Variants in CENPO observed in about 807,000 individuals in gnomAD.
CENPO encodes the protein centromere protein O.
In CENPO, 30 loss-of-function variants were observed where a neutral mutation model predicts 36.1. The ratio of observed to expected loss-of-function variants is 0.83; its 90% CI spans 0.62 to 1.13. The LOEUF is 1.13. Among genes scored for constraint, CENPO ranks in the 50% most tolerant of loss-of-function variants. The pLI, the probability that CENPO is intolerant of heterozygous loss-of-function variation, is 0.00. For synonymous variants in CENPO, 171 were observed against 142.3 expected (o/e 1.20, Z -1.44); for missense variants, 349 against 357.8 (o/e 0.98, Z 0.20).
chr2:24,820,316 G>T lies in CENPO; in HGVS notation c.*998G>T. The T allele has an allele frequency of 3.1e-6, 4 of 1,306,272 alleles. No homozygotes were observed. The highest frequency in any genetic ancestry group is 3.9e-6 in the Non-Finnish European group (4 of 1,023,006). 80.9% of individuals were successfully genotyped at this position (1,306,272 alleles called of 1,614,324 possible). A position where few individuals can be genotyped will look rare whatever the true frequency, so the allele number is the denominator to read the frequency against. On this transcript the variant is annotated 3_prime_UTR_variant, in exon 8 of 8. Coordinates refer to ENST00000380834, the MANE Select transcript of CENPO (RefSeq NM_001322101.2). ...GGAGAACCCTGGAGTGACTGGCTGG[G>T]GGCCTCCTCTCATCCAGAGACTTCT...
intron 5 of CENPO, 83 bp from the exon 6 acceptor site, chr2:24,816,563 G>T: frequency 5.4e-6 from 5 of 931,062 alleles, no homozygotes; most frequent in South Asian, 2.2e-5. Flanking sequence ...CCTCTTTTTG[G>T]TTGACGTAAT....
At chr2:24,793,529 A>G in intron 1 of CENPO, 28 bp downstream of exon 1, 1 of 1,562,756 alleles carries the variant, frequency 6.4e-7, no homozygotes, top group African/African-American at 1.4e-5. Flanking sequence ...AGGTAGGGGA[A>G]AGACCCATTG....
Position 24,815,735 on chromosome 2 carries a change from G to GCAT in CENPO, c.573_574insCAT (p.Lys191_Tyr192insHis). 5 of 1,614,168 alleles carry GCAT rather than the reference G, an allele frequency of 3.1e-6. No individual in the cohort carries two copies. The highest frequency in any genetic ancestry group is 4.2e-6 in the Non-Finnish European group (5 of 1,179,984). ...ACCTGAATGCTTACTCTGGGAGGAA[G>GCAT]TACCAGGCAGACCGGCTTCAGGTAT... On this transcript the variant is annotated inframe_insertion, in exon 5 of 8. Transcript: ENST00000380834.
Position 24,820,314 on chromosome 2 carries a change from G to T in CENPO, c.*996G>T. 1.5e-6 allele frequency: 2 copies of T among 1,300,190 alleles called. No individual in the cohort carries two copies. The highest frequency in any genetic ancestry group is 2.0e-6 in the Non-Finnish European group (2 of 1,016,516). The allele number at this position is 1,300,190 out of a possible 1,614,324, so 80.5% of individuals were successfully genotyped here. Reference sequence around the variant, plus strand: ...AAGGAGAACCCTGGAGTGACTGGCTGGGGGCCTCCTCTCATCCAGAGACTT... The same window carrying T: ...AAGGAGAACCCTGGAGTGACTGGCTTGGGGCCTCCTCTCATCCAGAGACTT... On this transcript the variant is annotated 3_prime_UTR_variant, in exon 8 of 8. Transcript: ENST00000380834.
rs141691742 is a variant in CENPO, at chr2:24,809,447, C to T, written c.217-4929C>T. Reference sequence around the variant, plus strand: ...TTGATATTTTTTAGTCTTCTTTTCTCTTAAATACATTTAAAGTTAAAAATT... The same window carrying T: ...TTGATATTTTTTAGTCTTCTTTTCTTTTAAATACATTTAAAGTTAAAAATT... On this transcript the variant is annotated intron_variant, in intron 3 of 7. Coordinates refer to ENST00000380834, the MANE Select transcript of CENPO (RefSeq NM_001322101.2). 3.9e-5 allele frequency among the ~76,000 whole-genome samples: 6 copies of T among 152,118 alleles called. No homozygotes were observed. In the East Asian group the frequency reaches 1.2e-3, roughly 29 times the overall value.
At chr2:24,811,190 C>T (rs187894546) in intron 3 of CENPO, among the ~76,000 whole-genome samples, 23 of 152,024 alleles carry the variant, frequency 1.5e-4, no homozygotes, top group East Asian at 1.2e-3. Flanking sequence ...AGTGATCTGC[C>T]GGTCCTGGCC....
intron 3 of CENPO, among the ~76,000 whole-genome samples, chr2:24,803,670 T>G (rs1406961999): frequency 1.3e-5 from 2 of 152,246 alleles, no homozygotes; most frequent in African/African-American, 4.8e-5. Context: ...GAGTTGTAGT[T>G]TGATTGCACT....
intron 6 of CENPO, among the ~76,000 whole-genome samples, chr2:24,817,466 CA>C (rs57556645): frequency 9.1e-5 from 10 of 110,072 alleles, no homozygotes; most frequent in African/African-American, 1.3e-4. Flanking sequence ...TAGTCCAGAC[CA>C]AAAAAAAAAG....
At position 24,798,975 on chromosome 2, in the gene CENPO, C is replaced by CTTTTTTT. The variant is rs70947846; in HGVS notation, c.47-679_47-673dup. On this transcript the variant is annotated intron_variant, in intron 2 of 7. Transcript: ENST00000380834. ...TCGATTAAATAAAGTCTGGGGCTTC[C>CTTTTTTT]TTTTTTTTTTTTTTTTTTTTTTTTT... Among the ~76,000 whole-genome samples the CTTTTTTT allele has an allele frequency of 7.9e-5, 9 of 114,536 alleles. 1 individual carries two copies. Among genetic ancestry groups the CTTTTTTT allele is most frequent in the African/African-American group, 3.6e-4 (9 of 25,310 alleles). The allele number at this position is 114,536 out of a possible 152,430, so 75.1% of individuals were successfully genotyped here. A position where few individuals can be genotyped will look rare whatever the true frequency, so the allele number is the denominator to read the frequency against.
intron 3 of CENPO, among the ~76,000 whole-genome samples, chr2:24,811,830 T>G (rs1382156961): frequency 1.3e-5 from 2 of 152,146 alleles, no homozygotes; most frequent in African/African-American, 4.8e-5. Flanking sequence ...ACTCCTGACC[T>G]CATGATCTGC....
Position 24,822,103 on chromosome 2 carries a change from T to A in CENPO, c.*2785T>A. ...TAAGACCAGAGCTTGGGACCAGGGCTCCTACACCTAATTTTCTCTCCTGGT... is the reference window on the plus strand; with the variant it reads ...TAAGACCAGAGCTTGGGACCAGGGCACCTACACCTAATTTTCTCTCCTGGT... On this transcript the variant is annotated 3_prime_UTR_variant, in exon 8 of 8. Coordinates refer to ENST00000380834, the MANE Select transcript of CENPO (RefSeq NM_001322101.2). 5.3e-6 allele frequency: 1 copy of A among 190,240 alleles called. No homozygotes were observed. The highest frequency in any genetic ancestry group is 5.5e-5 in the Admixed American group (1 of 18,330). 11.8% of individuals were successfully genotyped at this position (190,240 alleles called of 1,614,324 possible).
At position 24,819,875 on chromosome 2, in the gene CENPO, C is replaced by T. The variant is rs536102793; in HGVS notation, c.*557C>T. On this transcript the variant is annotated 3_prime_UTR_variant, in exon 8 of 8. Transcript: ENST00000380834. ...AATCCAGGAAGGTCGGGACTTCCTT[C>T]AGTTTCAAAAAATAAATTCTCCCTT... 5.4e-4 allele frequency: 845 copies of T among 1,568,662 alleles called. 1 individual carries two copies. Among genetic ancestry groups the T allele is most frequent in the Non-Finnish European group, 6.2e-4 (718 of 1,151,894 alleles).
At chr2:24,813,500 G>C (rs1434372629) in intron 3 of CENPO, among the ~76,000 whole-genome samples, 1 of 152,060 alleles carries the variant, frequency 6.6e-6, no homozygotes, top group Non-Finnish European at 1.5e-5. Flanking sequence ...TCCACATTTT[G>C]TTCTAGCAAA....
At chr2:24,799,890 C>G in intron 3 of CENPO, 46 bp downstream of exon 3, 1 of 1,590,686 alleles carries the variant, frequency 6.3e-7, no homozygotes, top group Non-Finnish European at 8.6e-7. Context: ...GTATAATGAA[C>G]AAACGTGATT....
In CENPO at chr2:24,819,628, C is replaced by A; in HGVS notation, c.*310C>A. Reference sequence around the variant, plus strand: ...CAAAGGCAGCTTTGTCCCAGCTCTGCCACCCTCCTGCTCACAGTGGTCAGG... The same window carrying A: ...CAAAGGCAGCTTTGTCCCAGCTCTGACACCCTCCTGCTCACAGTGGTCAGG... On this transcript the variant is annotated 3_prime_UTR_variant, in exon 8 of 8. Coordinates refer to ENST00000380834, the MANE Select transcript of CENPO (RefSeq NM_001322101.2). 1 of 257,214 alleles carries A rather than the reference C, an allele frequency of 3.9e-6. No homozygotes were observed. The highest frequency in any genetic ancestry group is 9.9e-5 in the South Asian group (1 of 10,058). The allele number at this position is 257,214 out of a possible 1,614,324, so 15.9% of individuals were successfully genotyped here. A position where few individuals can be genotyped will look rare whatever the true frequency, so the allele number is the denominator to read the frequency against.
At position 24,819,737 on chromosome 2, in the gene CENPO, G is replaced by T. The variant is rs1458060860; in HGVS notation, c.*419G>T. 9.9e-6 allele frequency: 6 copies of T among 605,968 alleles called. No homozygotes were observed. The highest frequency in any genetic ancestry group is 1.9e-5 in the African/African-American group (1 of 52,902). The allele number at this position is 605,968 out of a possible 1,614,324, so 37.5% of individuals were successfully genotyped here. A position where few individuals can be genotyped will look rare whatever the true frequency, so the allele number is the denominator to read the frequency against. On this transcript the variant is annotated 3_prime_UTR_variant, in exon 8 of 8. Coordinates refer to ENST00000380834, the MANE Select transcript of CENPO (RefSeq NM_001322101.2). Reference sequence around the variant, plus strand: ...CCCTATGCCTAAGACCCCTATGCTGGGGACACTACAGGCACACACAGGAAT... The same window carrying T: ...CCCTATGCCTAAGACCCCTATGCTGTGGACACTACAGGCACACACAGGAAT...
intron 7 of CENPO, among the ~76,000 whole-genome samples, chr2:24,818,113 C>T (rs1398007717): frequency 6.6e-6 from 1 of 151,586 alleles, no homozygotes; most frequent in Non-Finnish European, 1.5e-5. Flanking sequence ...AGGTGTATCA[C>T]TCAAGAAGTA....
At chr2:24,802,483 T>C (rs1218116458) in intron 3 of CENPO, among the ~76,000 whole-genome samples, 1 of 152,208 alleles carries the variant, frequency 6.6e-6, no homozygotes, top group African/African-American at 2.4e-5. Flanking sequence ...ATAGCTCTTA[T>C]TATTTTGAGA....
chr2:24,818,568 A>AGT (rs1218434643), intron 7 of CENPO, among the ~76,000 whole-genome samples: 1 of 152,180 alleles, frequency 6.6e-6, no homozygotes, highest in Non-Finnish European at 1.5e-5. Context: ...ATCAGAGTTC[A>AGT]GTGTGTCTCA....
Sources: gnomAD v4.1 joint callset for allele counts (sites outside exome capture counted in the v4.1 genomes callset) on GRCh38, gnomAD v4.1.1 for gene constraint, MANE v1.5 for transcripts, NCBI Gene and HGNC (gene_info 2026-07-23, HGNC 2026-07-21) for gene names.